The following FGGY variants were observed in gnomAD, a reference collection of about 807,000 sequenced individuals.
FGGY encodes the protein FGGY carbohydrate kinase domain-containing protein.
FGGY carries 72 observed loss-of-function variants against 71.3 expected under a neutral mutation model. The observed-to-expected ratio is 1.01, with a 90% CI of 0.84 to 1.23. The LOEUF (loss-of-function observed/expected upper bound fraction) is 1.23. Among genes scored for constraint, FGGY ranks in the 50% most tolerant of loss-of-function variants. The probability of loss-of-function intolerance (pLI) is 0.00; values close to 1 mark genes in which losing one functional copy is unlikely to be tolerated. For missense variants in FGGY, 668 were observed against 682.3 expected, an observed-to-expected ratio of 0.98 and a Z score of 0.23; for synonymous variants, 251 against 250.3, an observed-to-expected ratio of 1.00 and a Z score of -0.02.
intron 6 of FGGY, among the ~76,000 whole-genome samples, chr1:59,496,574 G>T (rs1431536028): frequency 2.0e-5 from 3 of 152,254 alleles, no homozygotes; most frequent in Admixed American, 6.5e-5. Context: ...TACCTGTAGA[G>T]TGCTATGCTT....
At position 59,757,916 on chromosome 1, in the gene FGGY, T is replaced by C. The variant is rs779302040; in HGVS notation, c.1513-15T>C. On this transcript the variant is annotated splice_polypyrimidine_tract_variant and intron_variant, in intron 14 of 15. Coordinates refer to ENST00000303721, the MANE Select transcript of FGGY (RefSeq NM_018291.5). ...CTTTCCAACTCAGCTGTCTATGTTG[T>C]TTTCCATTTAATAGGAAGCAATGGC... The C allele has an allele frequency of 1.9e-6, 3 of 1,608,064 alleles. No individual in the cohort carries two copies. The highest frequency in any genetic ancestry group is 1.7e-6 in the Non-Finnish European group (2 of 1,175,218).
At chr1:59,360,127 G>A (rs79136480) in intron 4 of FGGY, among the ~76,000 whole-genome samples, 1,771 of 145,708 alleles carry the variant, frequency 0.012, 41 homozygotes, top group African/African-American at 0.044. Flanking sequence ...TTCTATCATT[G>A]TTATTATTAT....
intron 14 of FGGY, among the ~76,000 whole-genome samples, chr1:59,700,866 C>T (rs1285075304): frequency 6.6e-6 from 1 of 152,048 alleles, no homozygotes; most frequent in Admixed American, 6.6e-5. Flanking sequence ...AAGGGATGTT[C>T]GTGGTGAGTC....
intron 6 of FGGY, among the ~76,000 whole-genome samples, chr1:59,509,940 C>T (rs941263319): frequency 3.3e-5 from 5 of 151,944 alleles, no homozygotes; most frequent in African/African-American, 1.2e-4. Flanking sequence ...GAAGGTGGAA[C>T]AGAATTTCCA....
chr1:59,321,043 A>T (rs1438763938), intron 1 of FGGY, among the ~76,000 whole-genome samples: 1 of 152,230 alleles, frequency 6.6e-6, no homozygotes, highest in Non-Finnish European at 1.5e-5. Flanking sequence ...AGTCATAGTG[A>T]GGAGTAAAGG....
At chr1:59,588,063 G>A (rs1022396048) in intron 8 of FGGY, among the ~76,000 whole-genome samples, 2 of 152,156 alleles carry the variant, frequency 1.3e-5, no homozygotes, top group Non-Finnish European at 2.9e-5. Context: ...TCAGATGAAT[G>A]TATAACTAGA....
Position 59,378,640 on chromosome 1 carries a change from A to G in FGGY, c.466-109A>G, listed in dbSNP as rs780567731. On this transcript the variant is annotated intron_variant, in intron 4 of 15. Coordinates refer to ENST00000303721, the MANE Select transcript of FGGY (RefSeq NM_018291.5). ...CACCAAGCTCCTGAACAGATGTTTC[A>G]ATGGGCATTGTTGGCTATGCTTTTG... The G allele has an allele frequency of 1.8e-5, 15 of 854,606 alleles. No homozygotes were observed. The Admixed American group carries it at 2.5e-4, about 14-fold the overall frequency. The allele number at this position is 854,606 out of a possible 1,614,324, so 52.9% of individuals were successfully genotyped here.
intron 6 of FGGY, among the ~76,000 whole-genome samples, chr1:59,457,384 C>T (rs1462759350): frequency 6.6e-6 from 1 of 152,168 alleles, no homozygotes; most frequent in African/African-American, 2.4e-5. Flanking sequence ...CTGAGGCAGG[C>T]AGATTGCTTG....
intron 5 of FGGY, among the ~76,000 whole-genome samples, chr1:59,412,028 A>G (rs2063678847): frequency 6.6e-6 from 1 of 152,146 alleles, no homozygotes; most frequent in Non-Finnish European, 1.5e-5. Context: ...AGATATTTTA[A>G]TTCTTCTATT....
chr1:59,486,429 G>A (rs1252099673), intron 6 of FGGY, among the ~76,000 whole-genome samples: 1 of 152,136 alleles, frequency 6.6e-6, no homozygotes, highest in Non-Finnish European at 1.5e-5. Flanking sequence ...AAGGATTCAG[G>A]GACACATGGT....
intron 5 of FGGY, among the ~76,000 whole-genome samples, chr1:59,386,201 C>T (rs1411185925): frequency 6.6e-6 from 1 of 151,910 alleles, no homozygotes; most frequent in African/African-American, 2.4e-5. Flanking sequence ...TTAGTTTTTA[C>T]CTAATGGCCT....
At chr1:59,606,303 C>G (rs954524756) in intron 8 of FGGY, among the ~76,000 whole-genome samples, 2 of 152,032 alleles carry the variant, frequency 1.3e-5, no homozygotes, top group East Asian at 3.9e-4. Context: ...AGCTTATGTC[C>G]CTTTCTCTAA....
chr1:59,456,918 A>C (rs370698651), intron 5 of FGGY, 43 bp from the exon 6 acceptor site: 1 of 1,416,690 alleles, frequency 7.1e-7, no homozygotes, highest in Non-Finnish European at 9.9e-7. Context: ...AGGAAGCCTC[A>C]CTCATATGGT....
intron 7 of FGGY, among the ~76,000 whole-genome samples, chr1:59,532,371 G>T (rs1381811580): frequency 3.9e-5 from 6 of 152,168 alleles, no homozygotes; most frequent in Non-Finnish European, 7.4e-5. Flanking sequence ...TATGGAGCAT[G>T]GTAAAGAGGT....
intron 14 of FGGY, among the ~76,000 whole-genome samples, chr1:59,728,005 C>T (rs2097969732): frequency 6.6e-6 from 1 of 152,066 alleles, no homozygotes. Flanking sequence ...TTCTTTTAAT[C>T]AGTGTATTTA....
At chr1:59,730,632 TGTG>T in intron 14 of FGGY, among the ~76,000 whole-genome samples, 1 of 152,214 alleles carries the variant, frequency 6.6e-6, no homozygotes, top group South Asian at 2.1e-4. Context: ...ATTACAGTGG[TGTG>T]GGGGCAGGGC....
rs547020125 is a variant in FGGY at position 59,498,190 on chromosome 1, C to T, written c.671-14121C>T. 2.4e-4 allele frequency among the ~76,000 whole-genome samples: 36 copies of T among 148,662 alleles called. No individual in the cohort carries two copies. The South Asian group carries it at 4.5e-3, about 19-fold the overall frequency. On this transcript the variant is annotated intron_variant, in intron 6 of 15. Coordinates refer to ENST00000303721, the MANE Select transcript of FGGY (RefSeq NM_018291.5). ...ACTGTACCAAGAATTTATTATCATT[C>T]AACTTTCACAACCCTAAAATATGTG...
intron 14 of FGGY, among the ~76,000 whole-genome samples, chr1:59,745,156 A>C (rs2101533314): frequency 6.6e-6 from 1 of 152,244 alleles, no homozygotes; most frequent in Admixed American, 6.5e-5. Flanking sequence ...TTGGTTTGGA[A>C]TGGATTCTGG....
intron 6 of FGGY, among the ~76,000 whole-genome samples, chr1:59,459,512 A>T (rs753283801): frequency 6.6e-6 from 1 of 152,196 alleles, no homozygotes; most frequent in African/African-American, 2.4e-5. Flanking sequence ...TTCAGAATTG[A>T]TGGAGAAAAA....
Sources: allele counts gnomAD v4.1 joint callset (sites outside exome capture counted in the v4.1 genomes callset), GRCh38; gene constraint gnomAD v4.1.1; transcripts MANE v1.5; gene names NCBI Gene and HGNC (gene_info 2026-07-23, HGNC 2026-07-21).